TVP23A: variants seen among roughly 807,000 people sequenced by gnomAD.
The protein encoded by TVP23A is trans-golgi network vesicle protein 23 homolog A.
TVP23A carries 21 observed loss-of-function variants against 31.7 expected under a neutral mutation model. The ratio of observed to expected loss-of-function variants is 0.66; its 90% confidence interval spans 0.47 to 0.95. The LOEUF (loss-of-function observed/expected upper bound fraction) is 0.95, where lower values mean the gene tolerates loss of function less well. TVP23A is among the 40% of genes least tolerant of loss of function. TVP23A has a pLI of 0.00. For missense variants in TVP23A, 279 were observed against 255.6 expected (o/e 1.09, Z -0.62); for synonymous variants, 104 against 96.0 (o/e 1.08, Z -0.49).
At chr16:10,762,907 GGA>G (rs2030218734), downstream of TVP23A, among the ~76,000 whole-genome samples, 1 of 152,160 alleles carries the variant, frequency 6.6e-6, no homozygotes, top group Non-Finnish European at 1.5e-5. Context: ...GGGGAGAATG[GGA>G]GCCTGTGGGA....
Position 10,773,387 on chromosome 16 carries a change from C to A in TVP23A, c.379G>T (p.Gly127Cys), listed in dbSNP as rs757376186. ...TEAEARIFWL[G>C]LIICPMIWIV... ...CATATCATGGGGCAGATTATGAGGC[C>A]CAGCCAGAAGATTCGTGCTTCAGCT... Residue 127 changes from glycine (G) to cysteine (C), a missense_variant, in exon 5 of 8, where the codon GGC (glycine) becomes TGC (cysteine). Gly to Cys is a radical substitution (Grantham distance 159). Coordinates refer to ENST00000299866, the MANE Select transcript of TVP23A (RefSeq NM_001079512.4). 11 of 1,611,188 alleles carry A rather than the reference C, an allele frequency of 6.8e-6. No individual in the cohort carries two copies. Among genetic ancestry groups the A allele is most frequent in the Non-Finnish European group, 8.5e-6 (10 of 1,179,284 alleles).
chr16:10,791,252 G>A (rs1361076497), intron 2 of TVP23A, among the ~76,000 whole-genome samples: 1 of 152,122 alleles, frequency 6.6e-6, no homozygotes, highest in African/African-American at 2.4e-5. Flanking sequence ...TCAGACGAAT[G>A]TTTTTCCCCA....
At chr16:10,788,689 T>C (rs887074737) in intron 2 of TVP23A, among the ~76,000 whole-genome samples, 2 of 152,238 alleles carry the variant, frequency 1.3e-5, no homozygotes, top group Non-Finnish European at 2.9e-5. Context: ...GAGAAGCAGA[T>C]GTTCAGGGGT....
rs376701429 is a variant in TVP23A at position 10,770,868 on chromosome 16, C to CAAA, written c.583-540_583-538dup. On this transcript the variant is annotated intron_variant, in intron 6 of 7. Transcript: ENST00000299866. The stretch of plus-strand genomic sequence containing the variant: ...TGGGAGCAGAGTGAGACTCCCATCT[C>CAAA]AAAAAAAAAAAAAAAAAAAAAAAAA... Among the ~76,000 whole-genome samples the CAAA allele has an allele frequency of 8.6e-4, 57 of 66,446 alleles. 1 individual carries two copies. The highest frequency in any genetic ancestry group is 2.5e-3 in the African/African-American group (48 of 19,014). 43.6% of individuals were successfully genotyped at this position (66,446 alleles called of 152,430 possible).
At chr16:10,765,635 G>A (rs141995939), downstream of TVP23A, among the ~76,000 whole-genome samples, 1,043 of 152,266 alleles carry the variant, frequency 6.8e-3, 7 homozygotes, top group Admixed American at 0.012. This position sits in a 1 kb window ranked among gnomAD's most constrained non-coding sequence, Gnocchi z 4.0. Context: ...ATCCTGATAC[G>A]GCTTTTCTTC....
At chr16:10,810,217 G>GA (rs199602832) in intron 2 of TVP23A, among the ~76,000 whole-genome samples, 2,759 of 146,216 alleles carry the variant, frequency 0.019, 84 homozygotes, top group African/African-American at 0.064. Flanking sequence ...GTGTTTCTAG[G>GA]AAAAAAAAAA....
At position 10,767,718 on chromosome 16, in the gene TVP23A, G is replaced by C. The variant is rs2031107576; in HGVS notation, c.*1384C>G. ...AGTTCTCTGTAGGGCCCTGGAACCT[G>C]CATTTTCTGTACACCACCTGATTAT... is the stretch of plus-strand genomic sequence containing the variant. On this transcript the variant is annotated 3_prime_UTR_variant, in exon 8 of 8. Transcript: ENST00000299866. This position sits in a 1 kb window ranked among gnomAD's most constrained non-coding sequence, Gnocchi z 4.6. 4 of 567,758 alleles carry C rather than the reference G, an allele frequency of 7.0e-6. No homozygotes were observed. In the South Asian group the frequency reaches 8.4e-5, roughly 12 times the overall value. The allele number at this position is 567,758 out of a possible 1,614,324, so 35.2% of individuals were successfully genotyped here. A position where few individuals can be genotyped will look rare whatever the true frequency, so the allele number is the denominator to read the frequency against.
chr16:10,798,560 C>T (rs1442625967), intron 2 of TVP23A, among the ~76,000 whole-genome samples: 1 of 152,202 alleles, frequency 6.6e-6, no homozygotes, highest in African/African-American at 2.4e-5. Flanking sequence ...CACAATGAAG[C>T]AGGGGTCCTG....
intron 2 of TVP23A, among the ~76,000 whole-genome samples, chr16:10,785,890 G>C (rs2032724489): frequency 6.6e-6 from 1 of 152,010 alleles, no homozygotes; most frequent in Non-Finnish European, 1.5e-5. Context: ...TCATTCCTTT[G>C]TCACCACCGG....
At chr16:10,783,295 C>T (rs2032535874) in intron 2 of TVP23A, among the ~76,000 whole-genome samples, 1 of 152,200 alleles carries the variant, frequency 6.6e-6, no homozygotes, top group African/African-American at 2.4e-5. Context: ...CCGAAGTGAG[C>T]TGAAAACTTA....
chr16:10,793,059 T>G (rs2033193138), intron 2 of TVP23A, among the ~76,000 whole-genome samples: 1 of 152,010 alleles, frequency 6.6e-6, no homozygotes, highest in African/African-American at 2.4e-5. Context: ...GAGGCCGAGG[T>G]GGGTGGATCA....
At position 10,768,992 on chromosome 16, in the gene TVP23A, C is replaced by A. The variant is rs1451943428; in HGVS notation, c.*110G>T. 6.6e-7 allele frequency: 1 copy of A among 1,518,078 alleles called. No homozygotes were observed. The highest frequency in any genetic ancestry group is 9.2e-7 in the Non-Finnish European group (1 of 1,092,798). The allele number at this position is 1,518,078 out of a possible 1,614,324, so 94.0% of individuals were successfully genotyped here. A position where few individuals can be genotyped will look rare whatever the true frequency, so the allele number is the denominator to read the frequency against. ...CAGCCCTCCCCAGCACAGGACAGGG[C>A]TGTCAAGGGGTAGACAAGCCATTAG... On this transcript the variant is annotated 3_prime_UTR_variant, in exon 8 of 8. Coordinates refer to ENST00000299866, the MANE Select transcript of TVP23A (RefSeq NM_001079512.4). The surrounding 1 kb of genome is among the most constrained non-coding windows in gnomAD (Gnocchi z 4.3).
chr16:10,807,332 C>T lies in TVP23A; in HGVS notation c.89+10771G>A, dbSNP rs559303087. ...ATACTGTCACCTGTGCCCTCTCCTT[C>T]CTTGCCCCCCACACCTCCGGCTTCT... On this transcript the variant is annotated intron_variant, in intron 2 of 7. Coordinates refer to ENST00000299866, the MANE Select transcript of TVP23A (RefSeq NM_001079512.4). Among the ~76,000 whole-genome samples, 96 of 152,336 alleles carry T rather than the reference C, an allele frequency of 6.3e-4. 1 individual carries two copies. The highest frequency in any genetic ancestry group is 2.1e-3 in the African/African-American group (87 of 41,568).
Position 10,818,303 on chromosome 16 carries a change from C to A in TVP23A, c.10-121G>T, listed in dbSNP as rs2034532408. 4.6e-6 allele frequency: 6 copies of A among 1,315,924 alleles called. No homozygotes were observed. The highest frequency in any genetic ancestry group is 5.3e-6 in the Non-Finnish European group (5 of 949,892). 81.5% of individuals were successfully genotyped at this position (1,315,924 alleles called of 1,614,324 possible). On this transcript the variant is annotated intron_variant, in intron 1 of 7. Transcript: ENST00000299866. The surrounding 1 kb of genome is among the most constrained non-coding windows in gnomAD (Gnocchi z 4.7). ...CCACCGGGTTCCCAAGTGGACCCTC[C>A]GAGCTGGCGGGGCCCCTCCGCTGCG... is the stretch of plus-strand genomic sequence containing the variant.
At position 10,772,312 on chromosome 16, in the gene TVP23A, C is replaced by A. The variant is rs553182191; in HGVS notation, c.454-514G>T. Among the ~76,000 whole-genome samples, 4 of 152,234 alleles carry A rather than the reference C, an allele frequency of 2.6e-5. 1 individual carries two copies. In the East Asian group the frequency reaches 7.7e-4, roughly 29 times the overall value. On this transcript the variant is annotated intron_variant, in intron 5 of 7. Transcript: ENST00000299866. Reference sequence around the variant, plus strand: ...TCGAGCCGGGATCCAAATTCCAGGGCCCGCACTTTCATTAAATGACACTGT... The same window carrying A: ...TCGAGCCGGGATCCAAATTCCAGGGACCGCACTTTCATTAAATGACACTGT...
intron 2 of TVP23A, chr16:10,808,688 G>A (rs990697987): frequency 1.1e-5 from 4 of 368,582 alleles, no homozygotes; most frequent in South Asian, 4.0e-5. Context: ...GAGAAGGGAG[G>A]ATTGCTTGAG....
chr16:10,794,280 G>A (rs1201149489), intron 2 of TVP23A, among the ~76,000 whole-genome samples: 1 of 152,092 alleles, frequency 6.6e-6, no homozygotes, highest in East Asian at 1.9e-4. Context: ...GCAATTCTTG[G>A]CATTGCTTGT....
intron 2 of TVP23A, among the ~76,000 whole-genome samples, chr16:10,806,469 G>C (rs1339191975): frequency 6.6e-6 from 1 of 152,154 alleles, no homozygotes; most frequent in African/African-American, 2.4e-5. Context: ...GTGGGTCACA[G>C]GTCAGCAGAA....
At chr16:10,817,636 T>C (rs1437029615) in intron 2 of TVP23A, among the ~76,000 whole-genome samples, 2 of 152,210 alleles carry the variant, frequency 1.3e-5, no homozygotes, top group Non-Finnish European at 2.9e-5. Context: ...TGCTCCCCTC[T>C]GGCCTCAGTG....
Sources: allele counts gnomAD v4.1 joint callset (sites outside exome capture counted in the v4.1 genomes callset), GRCh38; gene constraint gnomAD v4.1.1; non-coding constraint Gnocchi (gnomAD v3.1); transcripts MANE v1.5; gene names NCBI Gene and HGNC (gene_info 2026-07-23, HGNC 2026-07-21).